SPMIP5: variants seen among roughly 807,000 people sequenced by gnomAD.
SPMIP5 encodes sperm microtubule inner protein 5, also known as sperm-associated microtubule inner protein 5.
the SPMIP5 span, among the ~76,000 whole-genome samples, chr10:116,662,899 G>A: frequency 6.6e-6 from 1 of 152,126 alleles, no homozygotes; most frequent in Admixed American, 6.6e-5. Context: ...AGACGGCCGT[G>A]TGGCTGGGCA....
the SPMIP5 span, among the ~76,000 whole-genome samples, chr10:116,669,124 T>C: frequency 6.6e-6 from 1 of 152,118 alleles, no homozygotes; most frequent in Non-Finnish European, 1.5e-5. Flanking sequence ...ATAAGACACC[T>C]TCCCTCTTTG....
the SPMIP5 span, among the ~76,000 whole-genome samples, chr10:116,663,056 C>T: frequency 6.6e-6 from 1 of 151,994 alleles, no homozygotes; most frequent in Non-Finnish European, 1.5e-5. Context: ...GTGGTGGGCG[C>T]CTGTAGTCCC....
At chr10:116,668,944 C>T in the SPMIP5 span, among the ~76,000 whole-genome samples, 1 of 150,212 alleles carries the variant, frequency 6.7e-6, no homozygotes, top group African/African-American at 2.4e-5. Context: ...CACACACACA[C>T]ACACACACAC....
At chr10:116,664,768 A>T in the SPMIP5 span, 1 of 1,613,674 alleles carries the variant, frequency 6.2e-7, no homozygotes, top group Non-Finnish European at 8.5e-7. Flanking sequence ...CACTCTTCAT[A>T]TGGTTTCAGA....
At chr10:116,663,144 T>G in the SPMIP5 span, among the ~76,000 whole-genome samples, 1 of 141,560 alleles carries the variant, frequency 7.1e-6, no homozygotes, top group Non-Finnish European at 1.5e-5. Context: ...ATCACGCCAC[T>G]GCACTCCAGC....
At chr10:116,668,933 GCACACACACACA>G in the SPMIP5 span, among the ~76,000 whole-genome samples, 15 of 135,378 alleles carry the variant, frequency 1.1e-4, no homozygotes, top group South Asian at 7.8e-4. Flanking sequence ...GCACACACAT[GCACACACACACA>G]CACACACACA....
chr10:116,664,263 C>T, the SPMIP5 span: 1 of 1,593,558 alleles, frequency 6.3e-7, no homozygotes, highest in Non-Finnish European at 8.6e-7. Flanking sequence ...GGAGCTAACT[C>T]CATATATTCT....
chr10:116,664,746 C>T, the SPMIP5 span: 1 of 1,612,472 alleles, frequency 6.2e-7, no homozygotes, highest in Non-Finnish European at 8.5e-7. Context: ...GGGTACGGAC[C>T]CAAGCCAGAC....
chr10:116,663,181 C>CAAAAAAA, the SPMIP5 span, among the ~76,000 whole-genome samples: 1 of 96,926 alleles, frequency 1.0e-5, no homozygotes, highest in Non-Finnish European at 2.0e-5. Context: ...GATTCTGTCT[C>CAAAAAAA]AAAAAAAAAA....
chr10:116,664,079 G>A, the SPMIP5 span: 1 of 1,611,424 alleles, frequency 6.2e-7, no homozygotes, highest in Non-Finnish European at 8.5e-7. Flanking sequence ...CGTGTGAGTT[G>A]CAGGGAGCTG....
At chr10:116,667,298 T>C in the SPMIP5 span, among the ~76,000 whole-genome samples, 7 of 152,232 alleles carry the variant, frequency 4.6e-5, no homozygotes, top group Non-Finnish European at 1.0e-4. Flanking sequence ...AGCATGGCCC[T>C]GCGGGCACCT....
the SPMIP5 span, among the ~76,000 whole-genome samples, chr10:116,667,479 C>T: frequency 6.6e-6 from 1 of 152,114 alleles, no homozygotes; most frequent in Non-Finnish European, 1.5e-5. Flanking sequence ...TCGACAGTGA[C>T]CAAACAGAGA....
the SPMIP5 span, among the ~76,000 whole-genome samples, chr10:116,663,311 T>C: frequency 6.6e-6 from 1 of 152,160 alleles, no homozygotes; most frequent in African/African-American, 2.4e-5. Context: ...GAGTAAGGAT[T>C]CCCCACGGGT....
chr10:116,663,099 G>A, the SPMIP5 span, among the ~76,000 whole-genome samples: 24 of 151,442 alleles, frequency 1.6e-4, no homozygotes, highest in South Asian at 1.0e-3. Flanking sequence ...GGAGAATGGC[G>A]TGAACCCAGG....
At chr10:116,667,579 A>T in the SPMIP5 span, among the ~76,000 whole-genome samples, 1 of 152,188 alleles carries the variant, frequency 6.6e-6, no homozygotes, top group Non-Finnish European at 1.5e-5. Context: ...ATATCACCCA[A>T]GTACTATTCC....
chr10:116,667,356 C>T, the SPMIP5 span, among the ~76,000 whole-genome samples: 1 of 152,216 alleles, frequency 6.6e-6, no homozygotes, highest in Non-Finnish European at 1.5e-5. Flanking sequence ...GCATTTCCAT[C>T]ACTTTAAACC....
the SPMIP5 span, chr10:116,664,547 G>A: frequency 4.0e-6 from 4 of 1,005,406 alleles, no homozygotes; most frequent in African/African-American, 3.3e-5. Flanking sequence ...AAGACCACAG[G>A]TAGAGCTGCT....
chr10:116,664,185 A>G, the SPMIP5 span: 1 of 1,614,142 alleles, frequency 6.2e-7, no homozygotes, highest in Non-Finnish European at 8.5e-7. Flanking sequence ...TGGAATAGAA[A>G]AATCGGGATA....
chr10:116,667,543 C>T, the SPMIP5 span, among the ~76,000 whole-genome samples: 8,738 of 152,234 alleles, frequency 0.057, 422 homozygotes, highest in East Asian at 0.3. Context: ...GCCATTAGGA[C>T]CAGAGTGAGG....
Sources: allele counts gnomAD v4.1 joint callset (sites outside exome capture counted in the v4.1 genomes callset), GRCh38; gene constraint gnomAD v4.1.1; transcripts MANE v1.5; gene names NCBI Gene and HGNC (gene_info 2026-07-23, HGNC 2026-07-21).